Variants in LPGAT1 observed in about 807,000 individuals in gnomAD.
LPGAT1 encodes acyl-CoA:lysophosphatidylglycerol acyltransferase 1.
A neutral mutation model predicts 47.5 loss-of-function variants in LPGAT1; 11 were observed. The observed-to-expected ratio is 0.23, with a 90% CI of 0.15 to 0.38. The LOEUF is 0.38. LPGAT1 is among the 10% of genes least tolerant of loss of function. LPGAT1 has a pLI of 1.00. For missense variants in LPGAT1, 293 were observed against 439.0 expected (o/e 0.67, Z 2.97); for synonymous variants, 138 against 144.2 (o/e 0.96, Z 0.31).
rs764673615 is a variant in LPGAT1 at position 211,776,267 on chromosome 1, C to T, written c.854+2651G>A. On this transcript the variant is annotated intron_variant, in intron 6 of 7. Transcript: ENST00000366997. The stretch of plus-strand genomic sequence containing the variant: ...CAAGATTACACTAAAAAACTAGCAA[C>T]AGGCCAGGCGCATGGCTAAAGCACT... Among the ~76,000 whole-genome samples the T allele has an allele frequency of 6.6e-5, 10 of 152,120 alleles. 1 individual carries two copies. Among genetic ancestry groups the T allele is most frequent in the Admixed American group, 6.6e-4 (10 of 15,266 alleles).
intron 6 of LPGAT1, among the ~76,000 whole-genome samples, chr1:211,769,255 T>C (rs1022589331): frequency 6.6e-6 from 1 of 152,130 alleles, no homozygotes; most frequent in African/African-American, 2.4e-5. Flanking sequence ...GATATGTATT[T>C]AAATTTAGAA....
rs113221409 is a variant in LPGAT1 at position 211,795,315 on chromosome 1, A to G, written c.239-2125T>C. Among the ~76,000 whole-genome samples the G allele has an allele frequency of 7.9e-3, 1,209 of 152,314 alleles. 21 individuals are homozygous for G. Among genetic ancestry groups the G allele is most frequent in the African/African-American group, 0.027 (1,126 of 41,564 alleles). ...TGAAATGATATACTTTAAGTAATAA[A>G]AGCAAAGTGTAGAATAGGATGATGG... On this transcript the variant is annotated intron_variant, in intron 2 of 7. Coordinates refer to ENST00000366997, the MANE Select transcript of LPGAT1 (RefSeq NM_014873.3).
At position 211,745,383 on chromosome 1, in the gene LPGAT1, C is replaced by G. The variant is rs547447929; in HGVS notation, c.*4516G>C. The G allele has an allele frequency of 9.2e-5, 14 of 152,016 alleles. No individual in the cohort carries two copies. The highest frequency in any genetic ancestry group is 3.1e-4 in the African/African-American group (13 of 41,380). The allele number at this position is 152,016 out of a possible 1,614,324, so 9.4% of individuals were successfully genotyped here. Reference sequence around the variant, plus strand: ...TTGAAAGTATAACTGTCTCATCACCCGATCATAAAATAAGTTACTGTAAAA... The same window carrying G: ...TTGAAAGTATAACTGTCTCATCACCGGATCATAAAATAAGTTACTGTAAAA... On this transcript the variant is annotated 3_prime_UTR_variant, in exon 8 of 8. Coordinates refer to ENST00000366997, the MANE Select transcript of LPGAT1 (RefSeq NM_014873.3).
intron 3 of LPGAT1, among the ~76,000 whole-genome samples, chr1:211,787,951 T>C (rs1276786913): frequency 1.3e-5 from 2 of 152,232 alleles, no homozygotes; most frequent in East Asian, 3.8e-4. Flanking sequence ...CACAGGTACA[T>C]ATATCACTAT....
intron 1 of LPGAT1, chr1:211,829,863 G>A: frequency 1.0e-6 from 1 of 959,216 alleles, no homozygotes; most frequent in Non-Finnish European, 1.2e-6. Context: ...TAGGGTTTTT[G>A]TTTCCCTTTT....
intron 6 of LPGAT1, among the ~76,000 whole-genome samples, chr1:211,775,130 TAAG>T (rs1451177584): frequency 2.0e-5 from 3 of 152,246 alleles, no homozygotes; most frequent in Non-Finnish European, 1.5e-5. Flanking sequence ...CTATAATTTA[TAAG>T]AAGTGAAAGT....
intron 2 of LPGAT1, among the ~76,000 whole-genome samples, chr1:211,799,660 G>A (rs1045097516): frequency 2.6e-5 from 4 of 152,142 alleles, no homozygotes; most frequent in Non-Finnish European, 5.9e-5. Flanking sequence ...AAATAAGGAT[G>A]GTGGATGGCA....
At chr1:211,798,064 A>G (rs545204233) in intron 2 of LPGAT1, among the ~76,000 whole-genome samples, 41 of 152,310 alleles carry the variant, frequency 2.7e-4, no homozygotes, top group African/African-American at 9.6e-4. Context: ...AAGAAAATAG[A>G]AACAACCCAT....
intron 2 of LPGAT1, among the ~76,000 whole-genome samples, chr1:211,828,128 A>G (rs886145219): frequency 8.5e-5 from 13 of 152,218 alleles, no homozygotes; most frequent in African/African-American, 3.1e-4. Context: ...CTGCCAAGCT[A>G]TGAACTACAG....
chr1:211,812,295 G>A (rs553164848), intron 2 of LPGAT1, among the ~76,000 whole-genome samples: 1 of 152,138 alleles, frequency 6.6e-6, no homozygotes, highest in African/African-American at 2.4e-5. Context: ...ACCTAACCAG[G>A]AAACTATACA....
chr1:211,777,111 CT>C (rs1658435576), intron 6 of LPGAT1, among the ~76,000 whole-genome samples: 1 of 152,136 alleles, frequency 6.6e-6, no homozygotes, highest in African/African-American at 2.4e-5. Flanking sequence ...ACCATTCTTT[CT>C]TTCCCTACGC....
chr1:211,817,372 G>A (rs2102597563), intron 2 of LPGAT1, among the ~76,000 whole-genome samples: 1 of 152,254 alleles, frequency 6.6e-6, no homozygotes, highest in African/African-American at 2.4e-5. Context: ...CGGAGTTCGA[G>A]ACCAGCCTGG....
intron 2 of LPGAT1, among the ~76,000 whole-genome samples, chr1:211,797,374 T>TC (rs2102563168): frequency 6.9e-6 from 1 of 145,180 alleles, no homozygotes; most frequent in African/African-American, 2.5e-5. Flanking sequence ...TGTCTCAGCC[T>TC]CCCAAGGTGC....
rs1266169077 is a variant in LPGAT1 at position 211,826,861 on chromosome 1, T to C, written c.238+2198A>G. On this transcript the variant is annotated intron_variant, in intron 2 of 7. Coordinates refer to ENST00000366997, the MANE Select transcript of LPGAT1 (RefSeq NM_014873.3). ...TGTTCAATTTTCCATCTGTGAAACTTGGGCATAGGGAAAAAAGAACTTCTT... is the reference window on the plus strand; with the variant it reads ...TGTTCAATTTTCCATCTGTGAAACTCGGGCATAGGGAAAAAAGAACTTCTT... Among the ~76,000 whole-genome samples, 3 of 152,214 alleles carry C rather than the reference T, an allele frequency of 2.0e-5. No individual in the cohort carries two copies. In the East Asian group the frequency reaches 5.8e-4, roughly 29 times the overall value.
At chr1:211,757,622 A>G (rs1423040192) in intron 6 of LPGAT1, among the ~76,000 whole-genome samples, 3 of 152,192 alleles carry the variant, frequency 2.0e-5, no homozygotes, top group Non-Finnish European at 4.4e-5. Context: ...ATTTTCATAT[A>G]GTCAGATAAT....
chr1:211,793,757 T>C lies in LPGAT1; in HGVS notation c.239-567A>G, dbSNP rs1659238103. Among the ~76,000 whole-genome samples the C allele has an allele frequency of 2.6e-5, 4 of 152,154 alleles. No individual in the cohort carries two copies. In the South Asian group the frequency reaches 8.3e-4, roughly 32 times the overall value. On this transcript the variant is annotated intron_variant, in intron 2 of 7. Transcript: ENST00000366997. ...TATGGTCATACCTTTGATCTAGAAGTTCTATTTCCTAGAATTTATCCTACA... is the reference window on the plus strand; with the variant it reads ...TATGGTCATACCTTTGATCTAGAAGCTCTATTTCCTAGAATTTATCCTACA...
rs1243219373 is a variant in LPGAT1 at position 211,829,195 on chromosome 1, T to C, written c.102A>G (p.Pro34=). ...GTATAATTACATAGCAGATGTAGGA[T>C]GGAATAGCAACCAGGTTGTTGACGA... ...FMVVNNLVAI[P]SYICYVIILQ... is the part of the protein sequence containing the mutation. Residue 34 remains proline (P), a synonymous_variant, in exon 2 of 8, where the codon CCA becomes CCG. Coordinates refer to ENST00000366997, the MANE Select transcript of LPGAT1 (RefSeq NM_014873.3). 2.6e-5 allele frequency: 42 copies of C among 1,614,034 alleles called. No homozygotes were observed. Among genetic ancestry groups the C allele is most frequent in the Non-Finnish European group, 3.5e-5 (41 of 1,180,038 alleles).
intron 2 of LPGAT1, among the ~76,000 whole-genome samples, chr1:211,828,705 G>C (rs1660621584): frequency 1.3e-5 from 2 of 152,124 alleles, no homozygotes; most frequent in Non-Finnish European, 1.5e-5. Context: ...ATGTTTATGG[G>C]CATCTTCCAT....
chr1:211,803,764 CTT>C (rs372453326), intron 2 of LPGAT1, among the ~76,000 whole-genome samples: 48 of 138,926 alleles, frequency 3.5e-4, no homozygotes, highest in Admixed American at 5.8e-4. Context: ...GTTTTTCTTT[CTT>C]TTTTTTTTTT....
Sources: allele counts gnomAD v4.1 joint callset (sites outside exome capture counted in the v4.1 genomes callset), GRCh38; gene constraint gnomAD v4.1.1; transcripts MANE v1.5; gene names NCBI Gene and HGNC (gene_info 2026-07-23, HGNC 2026-07-21).